CXCL13: variants seen among roughly 807,000 people sequenced by gnomAD.
CXCL13 encodes the protein C-X-C motif chemokine 13.
In CXCL13, 7 loss-of-function variants were observed where a neutral mutation model predicts 12.2. The ratio of observed to expected loss-of-function variants is 0.57; its 90% CI spans 0.33 to 1.07. The LOEUF is 1.07. Ranked by LOEUF, CXCL13 falls within the 50% of genes least tolerant of loss-of-function variation. The probability of loss-of-function intolerance (pLI) is 0.04; values close to 1 mark genes in which losing one functional copy is unlikely to be tolerated. For synonymous variants in CXCL13, 47 were observed against 42.4 expected (o/e 1.11, Z -0.42); for missense variants, 113 against 127.4 (o/e 0.89, Z 0.55).
intron 1 of CXCL13, 138 bp downstream of exon 1, chr4:77,606,067 A>G (rs1276547257): frequency 2.2e-6 from 1 of 463,482 alleles, no homozygotes; most frequent in African/African-American, 2.0e-5. Context: ...AGATTTCTCA[A>G]AGTAAGGTGT....
At chr4:77,512,832 G>T (rs977303892) in intron 1 of CXCL13, among the ~76,000 whole-genome samples, 6 of 152,036 alleles carry the variant, frequency 3.9e-5, no homozygotes, top group African/African-American at 1.4e-4. Context: ...ACAATGTGCA[G>T]GTTTCATACA....
At chr4:77,523,161 C>A (rs1256245266) in intron 1 of CXCL13, among the ~76,000 whole-genome samples, 1 of 152,074 alleles carries the variant, frequency 6.6e-6, no homozygotes, top group Non-Finnish European at 1.5e-5. Flanking sequence ...TCATTTCAAC[C>A]TTGGTGAATC....
In CXCL13 at chr4:77,611,607, A is replaced by G. The variant is rs1727157541; in HGVS notation, c.*568A>G. The G allele has an allele frequency of 2.5e-6, 1 of 398,668 alleles. No individual in the cohort carries two copies. 24.7% of individuals were successfully genotyped at this position (398,668 alleles called of 1,614,324 possible). A position where few individuals can be genotyped will look rare whatever the true frequency, so the allele number is the denominator to read the frequency against. On this transcript the variant is annotated 3_prime_UTR_variant, in exon 4 of 4. Coordinates refer to ENST00000682537, the MANE Select transcript of CXCL13 (RefSeq NM_001371558.1). The stretch of plus-strand genomic sequence containing the variant: ...ATAAAATTTACTGTCTAAGATTAAT[A>G]GCATTCGAAGATCCCCAGACTTCAT...
upstream of CXCL13, among the ~76,000 whole-genome samples, chr4:77,604,231 C>G (rs1726952648): frequency 6.6e-6 from 1 of 152,106 alleles, no homozygotes; most frequent in African/African-American, 2.4e-5. Flanking sequence ...TTCTGCCCAC[C>G]ATGGGCCCCT....
chr4:77,515,878 C>A (rs1475203610), intron 1 of CXCL13, among the ~76,000 whole-genome samples: 3 of 152,214 alleles, frequency 2.0e-5, no homozygotes, highest in Non-Finnish European at 4.4e-5. Context: ...GCATCTCTGT[C>A]TTGCACCAGT....
intron 1 of CXCL13, among the ~76,000 whole-genome samples, chr4:77,560,991 C>A (rs1405277563): frequency 6.6e-6 from 1 of 152,146 alleles, no homozygotes; most frequent in Admixed American, 6.5e-5. Flanking sequence ...GAACCCCAGG[C>A]AGTTAAGTTT....
chr4:77,531,534 T>G (rs1452330059), intron 1 of CXCL13, among the ~76,000 whole-genome samples: 1 of 152,064 alleles, frequency 6.6e-6, no homozygotes, highest in African/African-American at 2.4e-5. Flanking sequence ...TGATTTGGGA[T>G]GGAGAGTTCT....
At chr4:77,515,590 A>G (rs1372899179) in intron 1 of CXCL13, among the ~76,000 whole-genome samples, 1 of 152,176 alleles carries the variant, frequency 6.6e-6, no homozygotes, top group African/African-American at 2.4e-5. Flanking sequence ...GAGTTCACTC[A>G]TGATTTGGCT....
chr4:77,566,798 A>G (rs1308157028), intron 1 of CXCL13, among the ~76,000 whole-genome samples: 1 of 152,188 alleles, frequency 6.6e-6, no homozygotes, highest in Non-Finnish European at 1.5e-5. Flanking sequence ...AAACGTAACA[A>G]CACAACCTTA....
At chr4:77,608,415 G>A (rs1282382643) in intron 2 of CXCL13, among the ~76,000 whole-genome samples, 1 of 151,624 alleles carries the variant, frequency 6.6e-6, no homozygotes, top group African/African-American at 2.4e-5. Flanking sequence ...ACTCCAGCCT[G>A]GGCAACAAGA....
chr4:77,518,895 GCT>G (rs1250302437), intron 1 of CXCL13, among the ~76,000 whole-genome samples: 8 of 152,160 alleles, frequency 5.3e-5, no homozygotes, highest in Non-Finnish European at 7.3e-5. Context: ...CAGTGTTTCT[GCT>G]CTGTTTTTTC....
intron 1 of CXCL13, among the ~76,000 whole-genome samples, chr4:77,552,343 G>A (rs926111010): frequency 6.6e-6 from 1 of 152,106 alleles, no homozygotes; most frequent in African/African-American, 2.4e-5. Flanking sequence ...TCCTAGGTAG[G>A]GTCCTTTGGC....
chr4:77,548,239 G>A (rs866070213), intron 1 of CXCL13, among the ~76,000 whole-genome samples: 24 of 152,200 alleles, frequency 1.6e-4, no homozygotes, highest in African/African-American at 5.3e-4. Flanking sequence ...CCTCCAGGTA[G>A]TATTTATTCT....
At chr4:77,568,721 GC>G (rs991174864) in intron 1 of CXCL13, among the ~76,000 whole-genome samples, 5 of 151,994 alleles carry the variant, frequency 3.3e-5, no homozygotes, top group Non-Finnish European at 7.4e-5. Context: ...GGTATTTTGG[GC>G]TTTTCGGCAT....
At chr4:77,519,409 GC>G (rs1724519232) in intron 1 of CXCL13, among the ~76,000 whole-genome samples, 1 of 152,040 alleles carries the variant, frequency 6.6e-6, no homozygotes, top group African/African-American at 2.4e-5. Context: ...GGCCATCTTG[GC>G]TCCTCCCCCA....
chr4:77,582,189 G>A (rs1028162535), intron 1 of CXCL13, among the ~76,000 whole-genome samples: 2 of 152,076 alleles, frequency 1.3e-5, no homozygotes, highest in African/African-American at 4.8e-5. Flanking sequence ...CCTCAAGGAT[G>A]AATACCCCCT....
At chr4:77,610,503 A>G in intron 2 of CXCL13, 111 bp from the exon 3 acceptor site, 23 of 816,738 alleles carry the variant, frequency 2.8e-5, no homozygotes, top group East Asian at 5.5e-5. Flanking sequence ...CCCAGCTCCA[A>G]TTTCACTTCA....
At chr4:77,604,332 T>C (rs914085257), upstream of CXCL13, among the ~76,000 whole-genome samples, 1 of 152,172 alleles carries the variant, frequency 6.6e-6, no homozygotes, top group Non-Finnish European at 1.5e-5. Flanking sequence ...CCCTGCCCAA[T>C]TCAGCCTCCT....
At chr4:77,574,464 A>T (rs939695535) in intron 1 of CXCL13, among the ~76,000 whole-genome samples, 3 of 151,918 alleles carry the variant, frequency 2.0e-5, no homozygotes, top group Non-Finnish European at 4.4e-5. Context: ...ACTTTGCATT[A>T]TGAGACAACT....
Sources: gnomAD v4.1 joint callset for allele counts (sites outside exome capture counted in the v4.1 genomes callset) on GRCh38, gnomAD v4.1.1 for gene constraint, MANE v1.5 for transcripts, NCBI Gene and HGNC (gene_info 2026-07-23, HGNC 2026-07-21) for gene names.